The following ST18 variants were observed in gnomAD, a reference collection of about 807,000 sequenced individuals.
The protein encoded by ST18 is suppression of tumorigenicity 18 protein.
ST18 carries 50 observed loss-of-function variants against 110.0 expected under a neutral mutation model. The ratio of observed to expected loss-of-function variants is 0.45; its 90% CI spans 0.36 to 0.58. The LOEUF is 0.58. Among genes scored for constraint, ST18 ranks in the 20% least tolerant of loss-of-function variants. The probability of loss-of-function intolerance (pLI) is 0.00; values close to 1 mark genes in which losing one functional copy is unlikely to be tolerated. For missense variants in ST18, 1,306 were observed against 1,280.1 expected, an observed-to-expected ratio of 1.02 and a Z score of -0.31; for synonymous variants, 461 against 452.4, an observed-to-expected ratio of 1.02 and a Z score of -0.24.
At chr8:52,385,695 G>C (rs192499195) in intron 2 of ST18, among the ~76,000 whole-genome samples, 1 of 147,554 alleles carries the variant, frequency 6.8e-6, no homozygotes, top group Non-Finnish European at 1.5e-5. Context: ...CAGAGCCCTC[G>C]CTTAACTTCA....
chr8:52,130,169 G>GAAAGAA lies in ST18; in HGVS notation c.2666+1788_2666+1789insTTCTTT, dbSNP rs1586533936. 4.0e-5 allele frequency among the ~76,000 whole-genome samples: 4 copies of GAAAGAA among 98,822 alleles called. No homozygotes were observed. In the East Asian group the frequency reaches 1.5e-3, roughly 37 times the overall value. The allele number at this position is 98,822 out of a possible 152,430, so 64.8% of individuals were successfully genotyped here. On this transcript the variant is annotated intron_variant, in intron 22 of 25. Transcript: ENST00000689386. The stretch of plus-strand genomic sequence containing the variant: ...AAAGAAAGAAAGAAAGAAAGAAAAA[G>GAAAGAA]AAAAGAAAATAGTACCTTGGCATTA...
chr8:52,359,134 T>C (rs889622369), intron 2 of ST18, among the ~76,000 whole-genome samples: 3 of 151,516 alleles, frequency 2.0e-5, no homozygotes, highest in Admixed American at 1.3e-4. Flanking sequence ...AAAAAACACA[T>C]GATATCTCAA....
chr8:52,172,002 C>T lies in ST18; in HGVS notation c.859G>A (p.Ala287Thr). The T allele has an allele frequency of 6.2e-7, 1 of 1,614,220 alleles. No homozygotes were observed. The highest frequency in any genetic ancestry group is 8.5e-7 in the Non-Finnish European group (1 of 1,180,036). Residue 287 changes from alanine to threonine, a missense_variant, in exon 10 of 26, where the codon GCA (alanine) becomes ACA (threonine). By Grantham distance (58) the Ala-to-Thr change is moderately conservative (BLOSUM62 0). Transcript: ENST00000689386. ...TCACTACCCTCTTCCGTCATTACTGCCAGGCTCTCGCTATCTTCCTCCTCA... is the reference window on the plus strand; with the variant it reads ...TCACTACCCTCTTCCGTCATTACTGTCAGGCTCTCGCTATCTTCCTCCTCA... ...DVEEEDSESL[A>T]VMTEEGSDLE... is the part of the protein sequence containing the mutation.
intron 8 of ST18, among the ~76,000 whole-genome samples, chr8:52,201,624 A>G (rs543411824): frequency 6.6e-6 from 1 of 152,260 alleles, no homozygotes; most frequent in Non-Finnish European, 1.5e-5. Context: ...CAAAAAAACA[A>G]AAAAACTGCT....
At chr8:52,267,974 A>G (rs1490646077) in intron 2 of ST18, among the ~76,000 whole-genome samples, 1 of 152,216 alleles carries the variant, frequency 6.6e-6, no homozygotes, top group East Asian at 1.9e-4. Flanking sequence ...CCAGGAAAAT[A>G]CACATAAAGA....
rs565335326 is a variant in ST18 at position 52,178,769 on chromosome 8, G to A, written c.277+1353C>T. Among the ~76,000 whole-genome samples, 42 of 151,582 alleles carry A rather than the reference G, an allele frequency of 2.8e-4. No individual in the cohort carries two copies. In the South Asian group the frequency reaches 6.9e-3, roughly 25 times the overall value. On this transcript the variant is annotated intron_variant, in intron 9 of 25. Coordinates refer to ENST00000689386, the MANE Select transcript of ST18 (RefSeq NM_001352837.2). ...AAGGGTGATTATAATTTACAGATGA[G>A]CTATGAGGCTTTAAATCACATGCTA... is the stretch of plus-strand genomic sequence containing the variant.
At chr8:52,162,356 G>C (rs1039475154) in intron 13 of ST18, among the ~76,000 whole-genome samples, 1 of 152,168 alleles carries the variant, frequency 6.6e-6, no homozygotes, top group Non-Finnish European at 1.5e-5. Flanking sequence ...ATTATATTCT[G>C]TTCAGAAGTG....
At chr8:52,146,659 A>G (rs771688670) in intron 16 of ST18, among the ~76,000 whole-genome samples, 4 of 152,180 alleles carry the variant, frequency 2.6e-5, no homozygotes, top group Non-Finnish European at 4.4e-5. Flanking sequence ...TGCACGTGGT[A>G]TCCCTCTGAT....
intron 4 of ST18, among the ~76,000 whole-genome samples, chr8:52,221,255 G>A (rs2086623780): frequency 6.6e-6 from 1 of 152,054 alleles, no homozygotes; most frequent in Non-Finnish European, 1.5e-5. Context: ...GCAAGATTTG[G>A]AATGTACTAT....
intron 2 of ST18, among the ~76,000 whole-genome samples, chr8:52,345,726 A>G (rs971114674): frequency 3.3e-5 from 5 of 152,216 alleles, no homozygotes; most frequent in African/African-American, 7.2e-5. Context: ...CATCTCATGT[A>G]TGCATTTCTA....
At chr8:52,146,489 T>C (rs559631108) in intron 16 of ST18, among the ~76,000 whole-genome samples, 1 of 152,194 alleles carries the variant, frequency 6.6e-6, no homozygotes, top group South Asian at 2.1e-4. Flanking sequence ...TTTTCTTTGT[T>C]GTAGGGAATT....
chr8:52,239,179 G>A (rs888003015), intron 2 of ST18, among the ~76,000 whole-genome samples: 10 of 152,156 alleles, frequency 6.6e-5, no homozygotes, highest in African/African-American at 2.4e-4. Flanking sequence ...GTTGCCCAGG[G>A]TTAGGAGGAA....
intron 13 of ST18, 130 bp from the exon 14 acceptor site, chr8:52,161,698 A>G (rs1361034378): frequency 1.9e-6 from 2 of 1,054,660 alleles, no homozygotes; most frequent in East Asian, 2.6e-5. Flanking sequence ...ACAATAAGAG[A>G]GACGGGGCCA....
rs1316892957 is a variant in ST18 at position 52,336,721 on chromosome 8, C to A, written c.-465+72607G>T. On this transcript the variant is annotated intron_variant, in intron 2 of 25. Coordinates refer to ENST00000689386, the MANE Select transcript of ST18 (RefSeq NM_001352837.2). ...CTTCCTAGCTTGTCAGTGATACATG[C>A]ATATTTATTAAGACAGAAAATATAC... Among the ~76,000 whole-genome samples the A allele has an allele frequency of 2.6e-5, 4 of 152,162 alleles. No homozygotes were observed. In the East Asian group the frequency reaches 7.7e-4, roughly 29 times the overall value.
chr8:52,389,984 G>A (rs1017319611), intron 2 of ST18, among the ~76,000 whole-genome samples: 1 of 152,158 alleles, frequency 6.6e-6, no homozygotes, highest in Non-Finnish European at 1.5e-5. Context: ...AATATCTGGA[G>A]AGACATGCTT....
At chr8:52,169,570 GTGT>G (rs1388043373) in intron 10 of ST18, among the ~76,000 whole-genome samples, 1 of 152,192 alleles carries the variant, frequency 6.6e-6, no homozygotes, top group African/African-American at 2.4e-5. Flanking sequence ...CATGGTCAAG[GTGT>G]TGTCTGGGAG....
intron 2 of ST18, among the ~76,000 whole-genome samples, chr8:52,329,852 A>C (rs1322286717): frequency 6.6e-6 from 1 of 152,194 alleles, no homozygotes; most frequent in Non-Finnish European, 1.5e-5. Context: ...CAGAAGGTTA[A>C]AAAGGTTGCA....
At chr8:52,391,228 T>C (rs1839223639) in intron 2 of ST18, among the ~76,000 whole-genome samples, 1 of 152,128 alleles carries the variant, frequency 6.6e-6, no homozygotes, top group Admixed American at 6.5e-5. Context: ...CCTGGGTAAA[T>C]ACTGTTTGAT....
At chr8:52,385,270 C>A (rs758872384) in intron 2 of ST18, among the ~76,000 whole-genome samples, 6 of 152,154 alleles carry the variant, frequency 3.9e-5, no homozygotes, top group Non-Finnish European at 5.9e-5. Context: ...CCTATGGTAT[C>A]CTATACAGCT....
Sources: allele counts gnomAD v4.1 joint callset (sites outside exome capture counted in the v4.1 genomes callset), GRCh38; gene constraint gnomAD v4.1.1; transcripts MANE v1.5; gene names NCBI Gene and HGNC (gene_info 2026-07-23, HGNC 2026-07-21).